The following CDK12 variants were observed in gnomAD, a reference collection of about 807,000 sequenced individuals.
The protein encoded by CDK12 is cyclin dependent kinase 12.
In CDK12, 17 loss-of-function variants were observed where a neutral mutation model predicts 133.8. The observed-to-expected ratio is 0.13, with a 90% CI of 0.09 to 0.19. The LOEUF (loss-of-function observed/expected upper bound fraction) is 0.19. Ranked by LOEUF, CDK12 falls within the 10% of genes least tolerant of loss-of-function variation. The pLI is 1.00. For synonymous variants in CDK12, 694 were observed against 683.6 expected (o/e 1.02, Z -0.24); for missense variants, 1,508 against 1,818.7 (o/e 0.83, Z 3.11).
chr17:39,468,806 A>ATTT (rs1567680809), intron 1 of CDK12, among the ~76,000 whole-genome samples: 11 of 150,246 alleles, frequency 7.3e-5, no homozygotes, highest in Admixed American at 1.3e-4. Flanking sequence ...TTAATTAATT[A>ATTT]ATTTATTTAT....
At chr17:39,497,233 A>G (rs955252199) in intron 5 of CDK12, among the ~76,000 whole-genome samples, 3 of 152,062 alleles carry the variant, frequency 2.0e-5, no homozygotes, top group Non-Finnish European at 4.4e-5. Flanking sequence ...TACCCGGCCA[A>G]GTATATCTTT....
chr17:39,542,150 CATAT>C (rs35821757), intron 1 of CDK12, among the ~76,000 whole-genome samples: 1 of 151,032 alleles, frequency 6.6e-6, no homozygotes, highest in South Asian at 2.1e-4. Context: ...ATTATATATA[CATAT>C]ATATATGTGT....
Position 39,481,728 on chromosome 17 carries a change from CT to C in CDK12, c.1932-8817del, listed in dbSNP as rs200114122. On this transcript the variant is annotated intron_variant, in intron 2 of 13. Transcript: ENST00000447079. ...TCTCTCTCTTTCTCTTTTCTTTTTT[CT>C]TTTTTTTTTTTGACAAAGTCTCATC... Among the ~76,000 whole-genome samples, 462 of 78,166 alleles carry C rather than the reference CT, an allele frequency of 5.9e-3. 120 individuals are homozygous for C. Among genetic ancestry groups the C allele is most frequent in the African/African-American group, 0.028 (449 of 16,318 alleles). 51.3% of individuals were successfully genotyped at this position (78,166 alleles called of 152,430 possible).
rs141083545 is a variant in CDK12, at chr17:39,504,879, C to CAAAAAA, written c.2609+3455_2609+3460dup. Reference sequence around the variant, plus strand: ...TGGGTGACAGAACAAGACCCTGTCTCAAAAAAAAAAAAAAAAAAAACGCTA... The same window carrying CAAAAAA: ...TGGGTGACAGAACAAGACCCTGTCTCAAAAAAAAAAAAAAAAAAAAAAAAAACGCTA... On this transcript the variant is annotated intron_variant, in intron 6 of 13. Coordinates refer to ENST00000447079, the MANE Select transcript of CDK12 (RefSeq NM_016507.4). Among the ~76,000 whole-genome samples, 126 of 42,056 alleles carry CAAAAAA rather than the reference C, an allele frequency of 3.0e-3. 3 individuals carry two copies. Among genetic ancestry groups the CAAAAAA allele is most frequent in the East Asian group, 5.8e-3 (7 of 1,204 alleles). 27.6% of individuals were successfully genotyped at this position (42,056 alleles called of 152,430 possible). A position where few individuals can be genotyped will look rare whatever the true frequency, so the allele number is the denominator to read the frequency against.
Position 39,533,561 on chromosome 17 carries a change from C to T in CDK12, c.*2245C>T. The T allele has an allele frequency of 4.3e-6, 1 of 233,190 alleles. No homozygotes were observed. Among genetic ancestry groups the T allele is most frequent in the Non-Finnish European group, 8.5e-6 (1 of 117,948 alleles). 14.4% of individuals were successfully genotyped at this position (233,190 alleles called of 1,614,324 possible). A position where few individuals can be genotyped will look rare whatever the true frequency, so the allele number is the denominator to read the frequency against. On this transcript the variant is annotated 3_prime_UTR_variant, in exon 14 of 14. Coordinates refer to ENST00000447079, the MANE Select transcript of CDK12 (RefSeq NM_016507.4). ...ATATATTTCATTGTATTTTGGTTAT[C>T]AGCAGTCATCAATAATGTTTTTCCC...
chr17:39,483,689 A>AATTTATTTATTT (rs71353589), intron 2 of CDK12, among the ~76,000 whole-genome samples: 13 of 148,844 alleles, frequency 8.7e-5, no homozygotes, highest in East Asian at 2.0e-4. Context: ...AAACAGTTAC[A>AATTTATTTATTT]ATTTATTTAT....
chr17:39,555,538 G>A (rs1424565202), intron 2 of CDK12, among the ~76,000 whole-genome samples: 1 of 151,922 alleles, frequency 6.6e-6, no homozygotes, highest in African/African-American at 2.4e-5. Flanking sequence ...AGTATCAGAA[G>A]CCCCAGGTTG....
At chr17:39,545,945 GCCA>G (rs1490311048), upstream of CDK12, among the ~76,000 whole-genome samples, 8 of 145,654 alleles carry the variant, frequency 5.5e-5, no homozygotes, top group Admixed American at 1.4e-4. Flanking sequence ...ACAGGCGCCC[GCCA>G]CCACGCCTGG....
At chr17:39,528,139 T>G (rs1339939860) in intron 13 of CDK12, among the ~76,000 whole-genome samples, 1 of 147,784 alleles carries the variant, frequency 6.8e-6, no homozygotes, top group Non-Finnish European at 1.5e-5. Flanking sequence ...AGGCTGGTCT[T>G]GAACTGCCGA....
At chr17:39,472,965 A>G (rs1308129962) in intron 2 of CDK12, among the ~76,000 whole-genome samples, 3 of 152,006 alleles carry the variant, frequency 2.0e-5, no homozygotes, top group African/African-American at 4.8e-5. Context: ...AGTCCCAGCT[A>G]CTTGGGAGGC....
intron 2 of CDK12, among the ~76,000 whole-genome samples, chr17:39,478,256 A>G (rs762207519): frequency 1.3e-5 from 2 of 151,630 alleles, no homozygotes; most frequent in African/African-American, 2.4e-5. Flanking sequence ...CAGTGGCTCA[A>G]TCTCAGCTCA....
At chr17:39,481,887 A>AT (rs1257667542) in intron 2 of CDK12, among the ~76,000 whole-genome samples, 1 of 149,298 alleles carries the variant, frequency 6.7e-6, no homozygotes, top group Non-Finnish European at 1.5e-5. Context: ...TGCCTGGCTA[A>AT]TTTTTTGTAT....
At chr17:39,487,803 TG>T (rs2051260789) in intron 2 of CDK12, among the ~76,000 whole-genome samples, 1 of 151,892 alleles carries the variant, frequency 6.6e-6, no homozygotes, top group Non-Finnish European at 1.5e-5. Flanking sequence ...TTAATAGAGA[TG>T]AGGTTTCACC....
At chr17:39,538,904 AATACATACATAC>A (rs199620122), downstream of CDK12, among the ~76,000 whole-genome samples, 57 of 145,002 alleles carry the variant, frequency 3.9e-4, no homozygotes, top group African/African-American at 5.8e-4. Flanking sequence ...ATCTCAAATA[AATACATACATAC>A]ATACATACAT....
chr17:39,507,260 G>T (rs2053193923), intron 6 of CDK12, among the ~76,000 whole-genome samples: 1 of 151,512 alleles, frequency 6.6e-6, no homozygotes, highest in Non-Finnish European at 1.5e-5. Flanking sequence ...CACCTTAATG[G>T]TTTAGTTGGA....
intron 5 of CDK12, among the ~76,000 whole-genome samples, chr17:39,495,681 G>T (rs913035420): frequency 4.0e-5 from 6 of 151,132 alleles, no homozygotes; most frequent in Non-Finnish European, 7.4e-5. Flanking sequence ...TGTAGTCCCA[G>T]CTACTCAGGA....
intron 2 of CDK12, among the ~76,000 whole-genome samples, chr17:39,481,152 C>A (rs2050611168): frequency 6.6e-6 from 1 of 151,402 alleles, no homozygotes; most frequent in Non-Finnish European, 1.5e-5. Context: ...GCTTGGGAGG[C>A]TGAGGCAGGA....
rs1294811729 is a variant in CDK12 at position 39,526,114 on chromosome 17, A to G, written c.3558A>G (p.Pro1186=). 6.2e-7 allele frequency: 1 copy of G among 1,614,114 alleles called. No individual in the cohort carries two copies. Among genetic ancestry groups the G allele is most frequent in the African/African-American group, 1.3e-5 (1 of 74,930 alleles). The change falls in exon 13 of 14, where the codon CCA becomes CCG. Residue 1186 remains proline (P), a synonymous_variant. Coordinates refer to ENST00000447079, the MANE Select transcript of CDK12 (RefSeq NM_016507.4). ...CTTTGAAGGAAGCACCCTCTGCCCC[A>G]GTGATCCTGCCTTCAGCAGAACAGA... The part of the protein sequence containing the change: ...EESLKEAPSA[P]VILPSAEQTT...
At chr17:39,562,131 G>T (rs1450380075) in intron 3 of CDK12, among the ~76,000 whole-genome samples, 1 of 152,016 alleles carries the variant, frequency 6.6e-6, no homozygotes, top group Non-Finnish European at 1.5e-5. Context: ...GTAGAGACGG[G>T]GTTTCACCAT....
Sources: gnomAD v4.1 joint callset for allele counts (sites outside exome capture counted in the v4.1 genomes callset) on GRCh38, gnomAD v4.1.1 for gene constraint, MANE v1.5 for transcripts, NCBI Gene and HGNC (gene_info 2026-07-23, HGNC 2026-07-21) for gene names.